The following SLC7A5 variants were observed in gnomAD, a reference collection of about 807,000 sequenced individuals.
SLC7A5 encodes solute carrier family 7 member 5.
A neutral mutation model predicts 50.2 loss-of-function variants in SLC7A5; 23 were observed. The ratio of observed to expected loss-of-function variants is 0.46; its 90% confidence interval spans 0.33 to 0.65. The LOEUF (loss-of-function observed/expected upper bound fraction) is 0.65, where lower values mean the gene tolerates loss of function less well. Among genes scored for constraint, SLC7A5 ranks in the 30% least tolerant of loss-of-function variants. The pLI, the probability that SLC7A5 is intolerant of heterozygous loss-of-function variation, is 0.02. For missense variants in SLC7A5, 578 were observed against 684.4 expected, an observed-to-expected ratio of 0.84 and a Z score of 1.73; for synonymous variants, 393 against 330.6, an observed-to-expected ratio of 1.19 and a Z score of -2.05.
Position 87,863,986 on chromosome 16 carries a change from AATATATAT to A in SLC7A5, c.538+4891_538+4898del, listed in dbSNP as rs58063420. Among the ~76,000 whole-genome samples the A allele has an allele frequency of 3.6e-4, 30 of 83,278 alleles. 2 individuals are homozygous for A. The highest frequency in any genetic ancestry group is 6.5e-4 in the East Asian group (2 of 3,072). The allele number at this position is 83,278 out of a possible 152,430, so 54.6% of individuals were successfully genotyped here. ...CCAACCTTATGTGTGATCATTTAAA[AATATATAT>A]ATATATATATATATCAGCCGAGTAG... On this transcript the variant is annotated intron_variant, in intron 1 of 9. Coordinates refer to ENST00000261622, the MANE Select transcript of SLC7A5 (RefSeq NM_003486.7).
intron 1 of SLC7A5, among the ~76,000 whole-genome samples, chr16:87,856,090 G>A (rs2055315976): frequency 6.6e-6 from 1 of 152,182 alleles, no homozygotes; most frequent in Non-Finnish European, 1.5e-5. Flanking sequence ...CACAGCCACT[G>A]TGAGTGCCCC....
chr16:87,832,873 G>A lies in SLC7A5; in HGVS notation c.*97C>T, dbSNP rs1449389666. 7 of 979,864 alleles carry A rather than the reference G, an allele frequency of 7.1e-6. No individual in the cohort carries two copies. Among genetic ancestry groups the A allele is most frequent in the Non-Finnish European group, 1.2e-5 (7 of 606,552 alleles). 60.7% of individuals were successfully genotyped at this position (979,864 alleles called of 1,614,324 possible). On this transcript the variant is annotated 3_prime_UTR_variant, in exon 10 of 10. Transcript: ENST00000261622. The surrounding 1 kb of genome is among the most constrained non-coding windows in gnomAD (Gnocchi z 4.6). ...CGGCGAGGGACTGGGATGGGCAGCT[G>A]AGCTGTGGGTTGCGGGGAACCGGAG...
At chr16:87,850,439 C>T (rs2143779448) in intron 2 of SLC7A5, among the ~76,000 whole-genome samples, 1 of 152,342 alleles carries the variant, frequency 6.6e-6, no homozygotes, top group African/African-American at 2.4e-5. Context: ...TCCTACCTGC[C>T]TCCCCTACAG....
intron 1 of SLC7A5, among the ~76,000 whole-genome samples, chr16:87,856,879 G>T (rs535946941): frequency 1.3e-5 from 2 of 152,210 alleles, no homozygotes; most frequent in East Asian, 3.9e-4. Context: ...CAGAGCTTCT[G>T]ATCAGGCAGG....
chr16:87,846,362 C>A (rs372984110), intron 2 of SLC7A5, among the ~76,000 whole-genome samples: 60 of 152,384 alleles, frequency 3.9e-4, no homozygotes, highest in African/African-American at 1.4e-3. Flanking sequence ...TTGGTTAACA[C>A]AGCCTGTACC....
intron 1 of SLC7A5, among the ~76,000 whole-genome samples, chr16:87,854,162 G>C (rs1445471335): frequency 6.7e-6 from 1 of 149,804 alleles, no homozygotes; most frequent in Non-Finnish European, 1.5e-5. Context: ...GCTGACGGGT[G>C]CCACCGGGAG....
At chr16:87,866,394 T>C (rs576353698) in intron 1 of SLC7A5, among the ~76,000 whole-genome samples, 82 of 152,276 alleles carry the variant, frequency 5.4e-4, no homozygotes, top group African/African-American at 1.9e-3. Flanking sequence ...GGCACCATGC[T>C]TGGTTCAAGC....
At chr16:87,868,080 T>C (rs893149478) in intron 1 of SLC7A5, among the ~76,000 whole-genome samples, 4 of 142,924 alleles carry the variant, frequency 2.8e-5, no homozygotes, top group Admixed American at 7.2e-5. Context: ...CGTGCCACTG[T>C]ACTCCAGCCT....
At chr16:87,840,335 T>C in intron 4 of SLC7A5, 94 bp downstream of exon 4, 1 of 1,177,414 alleles carries the variant, frequency 8.5e-7, no homozygotes, top group Non-Finnish European at 1.3e-6. Flanking sequence ...TGAACTGGCC[T>C]GAGCCGACCA....
Position 87,869,136 on chromosome 16 carries a change from G to C in SLC7A5, c.287C>G (p.Ser96Cys). The C allele has an allele frequency of 1.9e-6, 3 of 1,611,936 alleles. No individual in the cohort carries two copies. The highest frequency in any genetic ancestry group is 2.5e-6 in the Non-Finnish European group (3 of 1,179,752). ...LVVWAACGVF[S>C]IVGALCYAEL... ...CGCGTAGCAGAGCGCGCCCACGATG[G>C]AGAAGACGCCGCACGCGGCCCACAC... is the stretch of plus-strand genomic sequence containing the variant. The change falls in exon 1 of 10, where the codon TCC becomes TGC. Residue 96 changes from serine to cysteine, a missense_variant. Coordinates refer to ENST00000261622, the MANE Select transcript of SLC7A5 (RefSeq NM_003486.7).
At chr16:87,868,211 A>G (rs990602962) in intron 1 of SLC7A5, among the ~76,000 whole-genome samples, 1 of 152,050 alleles carries the variant, frequency 6.6e-6, no homozygotes, top group Admixed American at 6.6e-5. Context: ...CACCATGCCC[A>G]CCAAAACAGG....
rs1372228037 is a variant in SLC7A5 at position 87,841,296 on chromosome 16, G to A, written c.665-141C>T. On this transcript the variant is annotated intron_variant, in intron 2 of 9. Coordinates refer to ENST00000261622, the MANE Select transcript of SLC7A5 (RefSeq NM_003486.7). The surrounding 1 kb of genome is among the most constrained non-coding windows in gnomAD (Gnocchi z 4.8). The stretch of plus-strand genomic sequence containing the variant: ...GGCTTTTCACTGTGACAAATGGTAT[G>A]TACCTGCTGAGCCACATGGAGGGTG... The A allele has an allele frequency of 5.4e-5, 37 of 680,592 alleles. No homozygotes were observed. Among genetic ancestry groups the A allele is most frequent in the Non-Finnish European group, 8.1e-5 (30 of 370,880 alleles). 42.2% of individuals were successfully genotyped at this position (680,592 alleles called of 1,614,324 possible). A position where few individuals can be genotyped will look rare whatever the true frequency, so the allele number is the denominator to read the frequency against.
In SLC7A5 at chr16:87,845,634, A is replaced by C. The variant is rs575241993; in HGVS notation, c.665-4479T>G. 9.9e-5 allele frequency among the ~76,000 whole-genome samples: 15 copies of C among 152,178 alleles called. No homozygotes were observed. The South Asian group carries it at 3.1e-3, about 32-fold the overall frequency. On this transcript the variant is annotated intron_variant, in intron 2 of 9. Transcript: ENST00000261622. ...TGCCTGGGAACCGTGATGGGGCAGG[A>C]ATTTGGGTTTGGGGGTTCTGGCGGC...
Position 87,869,344 on chromosome 16 carries a change from G to C in SLC7A5, c.79C>G (p.Leu27Val). ...EEKEEAREKM[L>V]AAKSADGSAP... is the part of the protein sequence containing the mutation. ...GAGCCGTCCGCGCTCTTGGCGGCCA[G>C]CATCTTCTCCCGCGCCTCTTCCTTC... The change falls in exon 1 of 10, where the codon CTG (leucine) becomes GTG (valine). Residue 27 changes from leucine to valine, a missense_variant. This residue lies in a region of SLC7A5 where 113 missense variants were observed against 89.8 expected (regional missense o/e 1.26). Coordinates refer to ENST00000261622, the MANE Select transcript of SLC7A5 (RefSeq NM_003486.7). The C allele has an allele frequency of 2.5e-6, 4 of 1,609,474 alleles. No individual in the cohort carries two copies. The highest frequency in any genetic ancestry group is 3.4e-6 in the Non-Finnish European group (4 of 1,179,026).
chr16:87,835,170 G>C (rs937660816), intron 8 of SLC7A5, among the ~76,000 whole-genome samples: 1 of 152,248 alleles, frequency 6.6e-6, no homozygotes, highest in Non-Finnish European at 1.5e-5. Flanking sequence ...ATCCATACTT[G>C]GACAGGGCAC....
chr16:87,835,530 T>C (rs765920234), intron 8 of SLC7A5, among the ~76,000 whole-genome samples: 3 of 152,182 alleles, frequency 2.0e-5, no homozygotes, highest in African/African-American at 4.8e-5. Flanking sequence ...CACTCTGTCG[T>C]CCAGGCTGGA....
chr16:87,849,316 A>C (rs1351213576), intron 2 of SLC7A5, among the ~76,000 whole-genome samples: 2 of 152,232 alleles, frequency 1.3e-5, no homozygotes, highest in African/African-American at 4.8e-5. Context: ...TCTGGTAACA[A>C]AATAAATCTG....
At chr16:87,867,982 T>C (rs907820062) in intron 1 of SLC7A5, among the ~76,000 whole-genome samples, 2 of 151,330 alleles carry the variant, frequency 1.3e-5, no homozygotes, top group African/African-American at 2.4e-5. Flanking sequence ...CCGGGCGTAG[T>C]GGCGGGCACC....
At chr16:87,868,116 A>C (rs2055486091) in intron 1 of SLC7A5, among the ~76,000 whole-genome samples, 5 of 78,848 alleles carry the variant, frequency 6.3e-5, no homozygotes, top group Admixed American at 5.4e-4. Context: ...ACTCAGTGTC[A>C]AAAAAAAAAA....
Sources: gnomAD v4.1 joint callset for allele counts (sites outside exome capture counted in the v4.1 genomes callset) on GRCh38, gnomAD v4.1.1 for gene constraint, gnomAD v4.1.1 regional missense constraint, Gnocchi (gnomAD v3.1) non-coding constraint, MANE v1.5 for transcripts, NCBI Gene and HGNC (gene_info 2026-07-23, HGNC 2026-07-21) for gene names.